The following NUBPL variants were observed in gnomAD, a reference collection of about 807,000 sequenced individuals.
NUBPL encodes iron-sulfur cluster transfer protein NUBPL.
In NUBPL, 31 loss-of-function variants were observed where a neutral mutation model predicts 45.7. The observed-to-expected ratio is 0.68, with a 90% CI of 0.51 to 0.92. NUBPL has a LOEUF of 0.92. NUBPL is among the 40% of genes least tolerant of loss of function. The probability of loss-of-function intolerance (pLI) is 0.00; values close to 1 mark genes in which losing one functional copy is unlikely to be tolerated. For synonymous variants in NUBPL, 144 were observed against 140.9 expected (o/e 1.02, Z -0.15); for missense variants, 401 against 398.7 (o/e 1.01, Z -0.05).
intron 6 of NUBPL, among the ~76,000 whole-genome samples, chr14:31,766,457 G>C (rs2038914152): frequency 6.6e-6 from 1 of 152,134 alleles, no homozygotes; most frequent in Non-Finnish European, 1.5e-5. Context: ...AACACCATGG[G>C]ACCCAGCTGC....
chr14:31,798,952 T>A (rs2039526821), intron 7 of NUBPL, among the ~76,000 whole-genome samples: 1 of 151,980 alleles, frequency 6.6e-6, no homozygotes, highest in Non-Finnish European at 1.5e-5. Flanking sequence ...ATGTAAAGCC[T>A]CCATCTAAAT....
At chr14:31,587,307 C>A in intron 3 of NUBPL, among the ~76,000 whole-genome samples, 1 of 152,214 alleles carries the variant, frequency 6.6e-6, no homozygotes, top group Middle Eastern at 3.4e-3. Context: ...AAACTTAGGC[C>A]AGGCATTTGA....
At chr14:31,852,955 C>T (rs7153389) in intron 10 of NUBPL, among the ~76,000 whole-genome samples, 39,892 of 152,156 alleles carry the variant, frequency 0.26, 7,920 homozygotes, top group African/African-American at 0.56. Context: ...TGCATGTCTT[C>T]ATTTAAAGAA....
intron 3 of NUBPL, among the ~76,000 whole-genome samples, chr14:31,568,800 C>T (rs2033505005): frequency 6.6e-6 from 1 of 151,984 alleles, no homozygotes; most frequent in Non-Finnish European, 1.5e-5. Context: ...AGGTTGTAGG[C>T]CTAGGGGAAA....
At chr14:31,583,388 C>T (rs55905102) in intron 3 of NUBPL, among the ~76,000 whole-genome samples, 29,924 of 152,096 alleles carry the variant, frequency 0.2, 6,359 homozygotes, top group African/African-American at 0.54. Context: ...CGTTTATTAA[C>T]TACCTGCTAT....
chr14:31,818,188 G>C (rs2039954933), intron 7 of NUBPL, among the ~76,000 whole-genome samples: 1 of 152,126 alleles, frequency 6.6e-6, no homozygotes, highest in South Asian at 2.1e-4. Context: ...AAGAGACTTA[G>C]ACTCCCACAC....
At chr14:31,838,880 C>T (rs563884695) in intron 8 of NUBPL, among the ~76,000 whole-genome samples, 99 of 152,126 alleles carry the variant, frequency 6.5e-4, no homozygotes, top group Non-Finnish European at 1.1e-3. Flanking sequence ...GCCAGCCACA[C>T]GTGACTAATG....
intron 9 of NUBPL, among the ~76,000 whole-genome samples, chr14:31,849,803 A>G (rs2040509392): frequency 1.3e-5 from 2 of 152,156 alleles, no homozygotes; most frequent in African/African-American, 4.8e-5. Context: ...TAATGGGAGA[A>G]ATCATTTGCA....
chr14:31,859,236 A>G lies in NUBPL; in HGVS notation c.*56A>G, dbSNP rs982029774. ...ACTGACATTAAGAGGACCTTTGGAAATCAGCAATGTGGTGATGGAACCTAC... is the reference window on the plus strand; with the variant it reads ...ACTGACATTAAGAGGACCTTTGGAAGTCAGCAATGTGGTGATGGAACCTAC... On this transcript the variant is annotated 3_prime_UTR_variant, in exon 11 of 11. Transcript: ENST00000281081. 3.0e-6 allele frequency: 4 copies of G among 1,313,588 alleles called. No individual in the cohort carries two copies. The African/African-American group carries it at 5.8e-5, about 19-fold the overall frequency. The allele number at this position is 1,313,588 out of a possible 1,614,324, so 81.4% of individuals were successfully genotyped here.
At chr14:31,850,306 ATTT>A in intron 10 of NUBPL, 105 bp downstream of exon 10, 4 of 841,740 alleles carry the variant, frequency 4.8e-6, no homozygotes, top group Non-Finnish European at 5.9e-6. Flanking sequence ...GTGCATATAT[ATTT>A]AAACAAGGAT....
intron 4 of NUBPL, among the ~76,000 whole-genome samples, chr14:31,607,493 A>G (rs1397366389): frequency 1.3e-5 from 2 of 152,282 alleles, no homozygotes; most frequent in East Asian, 1.9e-4. Flanking sequence ...AAGATACTAC[A>G]TAGAAAGAAT....
intron 3 of NUBPL, among the ~76,000 whole-genome samples, chr14:31,567,946 C>G (rs1467409737): frequency 6.6e-6 from 1 of 152,176 alleles, no homozygotes; most frequent in Non-Finnish European, 1.5e-5. Flanking sequence ...TTTTCCACTT[C>G]TAACCTGCTA....
At chr14:31,568,817 C>T (rs2033505744) in intron 3 of NUBPL, among the ~76,000 whole-genome samples, 1 of 152,120 alleles carries the variant, frequency 6.6e-6, no homozygotes, top group South Asian at 2.1e-4. Flanking sequence ...GAAACAGGTC[C>T]AGGAAGCAAT....
chr14:31,627,109 A>C (rs879796967), intron 4 of NUBPL, among the ~76,000 whole-genome samples: 43 of 152,364 alleles, frequency 2.8e-4, no homozygotes, highest in African/African-American at 8.9e-4. Context: ...GCACATGGTA[A>C]GCACCAGTGC....
At chr14:31,841,917 CTTTTT>C (rs547795007) in intron 8 of NUBPL, among the ~76,000 whole-genome samples, 678 of 43,044 alleles carry the variant, frequency 0.016, 119 homozygotes, top group Non-Finnish European at 0.023. Flanking sequence ...CGATTCTGGG[CTTTTT>C]TTTTTTTTTT....
At chr14:31,577,950 C>G (rs896996170) in intron 3 of NUBPL, 20 of 1,288,798 alleles carry the variant, frequency 1.6e-5, no homozygotes, top group Non-Finnish European at 2.0e-5. Flanking sequence ...GTGACCATGA[C>G]TTTCACAAGG....
intron 4 of NUBPL, among the ~76,000 whole-genome samples, chr14:31,668,131 T>C (rs1181665926): frequency 6.6e-6 from 1 of 152,222 alleles, no homozygotes; most frequent in Non-Finnish European, 1.5e-5. Context: ...CAGGCAGGAA[T>C]GTTTAAGTCA....
chr14:31,638,702 T>G (rs957710890), intron 4 of NUBPL, among the ~76,000 whole-genome samples: 1 of 152,186 alleles, frequency 6.6e-6, no homozygotes, highest in African/African-American at 2.4e-5. Flanking sequence ...TTGGTTCCAT[T>G]CTCCCTGTCA....
intron 6 of NUBPL, among the ~76,000 whole-genome samples, chr14:31,684,158 C>T (rs1336929516): frequency 6.6e-6 from 1 of 152,170 alleles, no homozygotes; most frequent in East Asian, 1.9e-4. Context: ...TGACCTTGGG[C>T]AGAAACTTCT....
Sources: allele counts gnomAD v4.1 joint callset (sites outside exome capture counted in the v4.1 genomes callset), GRCh38; gene constraint gnomAD v4.1.1; transcripts MANE v1.5; gene names NCBI Gene and HGNC (gene_info 2026-07-23, HGNC 2026-07-21).